The following EDARADD variants were observed in gnomAD, a reference collection of about 807,000 sequenced individuals.
EDARADD encodes EDAR associated via death domain.
Under a neutral mutation model 25.6 loss-of-function variants are expected in EDARADD, and 20 were observed. That is an observed-to-expected ratio of 0.78 (90% CI 0.55 to 1.14). The LOEUF (loss-of-function observed/expected upper bound fraction) is 1.14. EDARADD is among the 50% of genes most tolerant of loss of function. EDARADD has a pLI of 0.00. For synonymous variants in EDARADD, 86 were observed against 94.4 expected (o/e 0.91, Z 0.52); for missense variants, 225 against 270.1 (o/e 0.83, Z 1.17).
chr1:236,371,633 G>A (rs1254297335), intron 3 of EDARADD, among the ~76,000 whole-genome samples: 4 of 150,652 alleles, frequency 2.7e-5, no homozygotes, highest in East Asian at 2.0e-4. Context: ...GCAGTGGCAC[G>A]ATCTCGGCTC....
At position 236,409,283 on chromosome 1, in the gene EDARADD, C is replaced by G. The variant is rs758595184; in HGVS notation, c.120+9C>G. The G allele has an allele frequency of 6.2e-7, 1 of 1,600,170 alleles. No individual in the cohort carries two copies. The highest frequency in any genetic ancestry group is 2.2e-5 in the East Asian group (1 of 44,774). On this transcript the variant is annotated intron_variant, in intron 2 of 5. Coordinates refer to ENST00000334232, the MANE Select transcript of EDARADD (RefSeq NM_145861.4). The stretch of plus-strand genomic sequence containing the variant: ...CTTTATCCTTTAATATGGTAGGTGA[C>G]AAATTTTACACTAATGGTGATAATT...
rs552045856 is a variant in EDARADD at position 236,445,028 on chromosome 1, T to C, written c.219+17578T>C. Among the ~76,000 whole-genome samples, 31 of 152,258 alleles carry C rather than the reference T, an allele frequency of 2.0e-4. 1 individual carries two copies. The highest frequency in any genetic ancestry group is 3.9e-4 in the Admixed American group (6 of 15,290). ...TTAGATGCCAGGATCTACTTCTTCATTGCTGATATATAGGAAAGCAATTGA... is the reference window on the plus strand; with the variant it reads ...TTAGATGCCAGGATCTACTTCTTCACTGCTGATATATAGGAAAGCAATTGA... On this transcript the variant is annotated intron_variant, in intron 4 of 5. Transcript: ENST00000334232.
chr1:236,366,244 T>C (rs906201168), intron 3 of EDARADD, among the ~76,000 whole-genome samples: 3 of 152,246 alleles, frequency 2.0e-5, no homozygotes, highest in African/African-American at 7.2e-5. Flanking sequence ...GCTTTGCTTT[T>C]TGAAAACAGT....
intron 4 of EDARADD, among the ~76,000 whole-genome samples, chr1:236,430,278 T>G (rs2103017636): frequency 6.6e-6 from 1 of 152,342 alleles, no homozygotes; most frequent in South Asian, 2.1e-4. Context: ...TTAAACTAGT[T>G]TAGTAAACTG....
chr1:236,445,393 G>A (rs1311403544), intron 4 of EDARADD, among the ~76,000 whole-genome samples: 1 of 151,768 alleles, frequency 6.6e-6, no homozygotes, highest in Non-Finnish European at 1.5e-5. Context: ...ACGCCCGGCT[G>A]ATTTTTGCAT....
At chr1:236,474,784 G>C (rs998440663) in intron 5 of EDARADD, among the ~76,000 whole-genome samples, 2 of 152,156 alleles carry the variant, frequency 1.3e-5, no homozygotes, top group African/African-American at 4.8e-5. Context: ...AATTTCCACT[G>C]TACAGCAGCC....
chr1:236,461,384 C>T (rs1368031613), intron 4 of EDARADD, among the ~76,000 whole-genome samples: 1 of 152,100 alleles, frequency 6.6e-6, no homozygotes, highest in African/African-American at 2.4e-5. Flanking sequence ...CCAGTTTTCC[C>T]AGCACCATTT....
Position 236,464,250 on chromosome 1 carries a change from A to ATTT in EDARADD, c.220-3979_220-3978insTTT, listed in dbSNP as rs34675825. Among the ~76,000 whole-genome samples, 9 of 142,388 alleles carry ATTT rather than the reference A, an allele frequency of 6.3e-5. 2 individuals carry two copies. The highest frequency in any genetic ancestry group is 7.6e-5 in the Non-Finnish European group (5 of 65,884). The allele number at this position is 142,388 out of a possible 152,430, so 93.4% of individuals were successfully genotyped here. ...CAGAGCCCATCACCTTTCTGCAAGTATTATTTTTTTTTTTTTGGAGATGGA... is the reference window on the plus strand; with the variant it reads ...CAGAGCCCATCACCTTTCTGCAAGTATTTTTATTTTTTTTTTTTTGGAGATGGA... On this transcript the variant is annotated intron_variant, in intron 4 of 5. Transcript: ENST00000334232.
At chr1:236,451,660 T>G (rs1189590317) in intron 4 of EDARADD, among the ~76,000 whole-genome samples, 1 of 152,092 alleles carries the variant, frequency 6.6e-6, no homozygotes, top group Non-Finnish European at 1.5e-5. Context: ...TAACCTCAAG[T>G]GATCTGCCTG....
Position 236,482,363 on chromosome 1 carries a change from T to TA in EDARADD, c.363dup (p.Leu122ThrfsTer30). 6.2e-7 allele frequency: 1 copy of TA among 1,614,140 alleles called. No individual in the cohort carries two copies. Among genetic ancestry groups the TA allele is most frequent in the Non-Finnish European group, 8.5e-7 (1 of 1,180,030 alleles). On this transcript the variant is annotated frameshift_variant, in exon 6 of 6. Transcript: ENST00000334232. LOFTEE classifies it high-confidence loss of function. ...AGTGACTTGCTCAATGATCAGGACTTACTAGACGTGATCAGGATAAAGCTG... is the reference window on the plus strand; with the variant it reads ...AGTGACTTGCTCAATGATCAGGACTTAACTAGACGTGATCAGGATAAAGCTG...
chr1:236,431,987 G>A (rs977771508), intron 4 of EDARADD, among the ~76,000 whole-genome samples: 2 of 151,736 alleles, frequency 1.3e-5, no homozygotes, highest in Non-Finnish European at 2.9e-5. Flanking sequence ...TGTTGGAGAG[G>A]CAGTGCACAC....
chr1:236,376,635 T>C (rs1161452293), intron 3 of EDARADD, among the ~76,000 whole-genome samples: 2 of 152,222 alleles, frequency 1.3e-5, no homozygotes, highest in Non-Finnish European at 1.5e-5. Context: ...GAACATGATA[T>C]GCCTACATGT....
chr1:236,378,370 C>T (rs7545606), intron 3 of EDARADD, among the ~76,000 whole-genome samples: 18,327 of 152,170 alleles, frequency 0.12, 1,784 homozygotes, highest in African/African-American at 0.27. Context: ...CTGAAGTTTT[C>T]ATTGCTCAGA....
intron 4 of EDARADD, among the ~76,000 whole-genome samples, chr1:236,428,710 C>A (rs1350512999): frequency 4.9e-5 from 7 of 144,266 alleles, no homozygotes; most frequent in Admixed American, 1.4e-4. Flanking sequence ...CGGGCAGAGA[C>A]GCTCCTCACT....
At chr1:236,396,890 T>C (rs919852432) in intron 1 of EDARADD, among the ~76,000 whole-genome samples, 4 of 147,196 alleles carry the variant, frequency 2.7e-5, no homozygotes, top group African/African-American at 1.0e-4. Flanking sequence ...TTCTGAGAAC[T>C]GAATTGACAA....
chr1:236,447,861 G>A (rs1338617381), intron 4 of EDARADD, among the ~76,000 whole-genome samples: 1 of 150,244 alleles, frequency 6.7e-6, no homozygotes, highest in Non-Finnish European at 1.5e-5. Flanking sequence ...TTTTGAGACA[G>A]TTTCACTCTT....
chr1:236,369,819 A>G (rs1032988845), intron 3 of EDARADD, among the ~76,000 whole-genome samples: 2 of 151,956 alleles, frequency 1.3e-5, no homozygotes, highest in Non-Finnish European at 2.9e-5. Flanking sequence ...CCTGGGCAAC[A>G]AGAGCGAAAC....
In EDARADD at chr1:236,398,260, T is replaced by C. The variant is rs1667555544; in HGVS notation, c.61+3755T>C. Among the ~76,000 whole-genome samples the C allele has an allele frequency of 6.6e-6, 1 of 152,118 alleles. No homozygotes were observed. The highest frequency in any genetic ancestry group is 1.5e-5 in the Non-Finnish European group (1 of 68,012). ...CTGTCTCAGCCTCCCAAGTAACTGG[T>C]ATTACAGGTGCACACTACCACACCT... On this transcript the variant is annotated intron_variant, in intron 1 of 5. Transcript: ENST00000334232. The surrounding 1 kb of genome is among the most constrained non-coding windows in gnomAD (Gnocchi z 4.1).
Position 236,394,383 on chromosome 1 carries a change from G to T in EDARADD, c.-62G>T, listed in dbSNP as rs1572124967. 2 of 1,572,754 alleles carry T rather than the reference G, an allele frequency of 1.3e-6. No individual in the cohort carries two copies. The highest frequency in any genetic ancestry group is 1.8e-6 in the Non-Finnish European group (2 of 1,142,654). On this transcript the variant is annotated 5_prime_UTR_variant, in exon 1 of 6. Coordinates refer to ENST00000334232, the MANE Select transcript of EDARADD (RefSeq NM_145861.4). ...CCAGACAACCAGCGAGCATCTTCTC[G>T]CAATCTGTTGCTTCTTCCATGGCAA...
Sources: allele counts gnomAD v4.1 joint callset (sites outside exome capture counted in the v4.1 genomes callset), GRCh38; gene constraint gnomAD v4.1.1; non-coding constraint Gnocchi (gnomAD v3.1); transcripts MANE v1.5; gene names NCBI Gene and HGNC (gene_info 2026-07-23, HGNC 2026-07-21).